ELMO1: variants seen among roughly 807,000 people sequenced by gnomAD.
ELMO1 encodes the protein engulfment and cell motility protein 1.
A neutral mutation model predicts 98.9 loss-of-function variants in ELMO1; 26 were observed. That is an observed-to-expected ratio of 0.26 (90% CI 0.19 to 0.36). The LOEUF (loss-of-function observed/expected upper bound fraction) is 0.36, where lower values mean the gene tolerates loss of function less well. Ranked by LOEUF, ELMO1 falls within the 10% of genes least tolerant of loss-of-function variation. The pLI, the probability that ELMO1 is intolerant of heterozygous loss-of-function variation, is 1.00. For synonymous variants in ELMO1, 346 were observed against 346.0 expected (o/e 1.00, Z 0.00); for missense variants, 627 against 935.2 (o/e 0.67, Z 4.30).
intron 13 of ELMO1, among the ~76,000 whole-genome samples, chr7:37,135,675 G>A (rs919779394): frequency 6.6e-6 from 1 of 152,152 alleles, no homozygotes; most frequent in Admixed American, 6.5e-5. Flanking sequence ...TAGGAGAAGG[G>A]GGAGAACACC....
At position 37,241,327 on chromosome 7, in the gene ELMO1, T is replaced by C. The variant is rs1584860149; in HGVS notation, c.449+3029A>G. ...TCCTGATAATAAAACCATTCAGTTT[T>C]ATTATTATTAGCATTTGCATGGTAT... On this transcript the variant is annotated intron_variant, in intron 7 of 21. Coordinates refer to ENST00000310758, the MANE Select transcript of ELMO1 (RefSeq NM_014800.11). 2.0e-5 allele frequency among the ~76,000 whole-genome samples: 3 copies of C among 152,262 alleles called. No individual in the cohort carries two copies. In the South Asian group the frequency reaches 6.2e-4, roughly 32 times the overall value.
intron 13 of ELMO1, among the ~76,000 whole-genome samples, chr7:37,191,078 A>C (rs1791540833): frequency 6.6e-6 from 1 of 150,848 alleles, no homozygotes; most frequent in Non-Finnish European, 1.5e-5. Context: ...GGTCCCAGCT[A>C]CTCAGGAGGC....
rs1159244781 is a variant in ELMO1 at position 37,283,452 on chromosome 7, AC to A, written c.193-11571del. On this transcript the variant is annotated intron_variant, in intron 4 of 21. Transcript: ENST00000310758. The stretch of plus-strand genomic sequence containing the variant: ...CTGGGGACTAAAAGCTCAGGGTAGA[AC>A]CCAGTTCATGTCCACATCTCTAATA... 4.9e-4 allele frequency among the ~76,000 whole-genome samples: 74 copies of A among 152,280 alleles called. 1 individual carries two copies. Among genetic ancestry groups the A allele is most frequent in the South Asian group, 2.1e-4 (1 of 4,824 alleles).
At chr7:37,439,804 G>C (rs1805316478) in intron 1 of ELMO1, among the ~76,000 whole-genome samples, 1 of 152,178 alleles carries the variant, frequency 6.6e-6, no homozygotes, top group African/African-American at 2.4e-5. Context: ...GTCGCTTCCT[G>C]GCAGTGGAGT....
At chr7:37,206,605 T>G (rs767505636) in intron 13 of ELMO1, among the ~76,000 whole-genome samples, 1 of 152,232 alleles carries the variant, frequency 6.6e-6, no homozygotes, top group African/African-American at 2.4e-5. Flanking sequence ...ATTATACTTG[T>G]GTAACTACAG....
At chr7:37,039,207 T>C (rs927292097) in intron 15 of ELMO1, among the ~76,000 whole-genome samples, 16 of 152,204 alleles carry the variant, frequency 1.1e-4, no homozygotes, top group African/African-American at 3.6e-4. Flanking sequence ...GTCCTTTACA[T>C]TATATACTTA....
intron 14 of ELMO1, 59 bp from the exon 15 acceptor site, chr7:37,096,786 T>C (rs956222614): frequency 1.2e-5 from 17 of 1,447,840 alleles, no homozygotes; most frequent in Admixed American, 3.4e-5. Flanking sequence ...ACATCAAGAA[T>C]ATCACCTTCA....
At chr7:37,084,781 G>A (rs1246885524) in intron 15 of ELMO1, among the ~76,000 whole-genome samples, 1 of 149,726 alleles carries the variant, frequency 6.7e-6, no homozygotes, top group Non-Finnish European at 1.5e-5. Flanking sequence ...TTTTGAGATG[G>A]AATCTCACTC....
chr7:37,312,677 T>C (rs1173020084), intron 4 of ELMO1, among the ~76,000 whole-genome samples: 1 of 152,188 alleles, frequency 6.6e-6, no homozygotes, highest in Admixed American at 6.5e-5. Context: ...ACCCCATCTT[T>C]AGTAATCTTC....
intron 5 of ELMO1, among the ~76,000 whole-genome samples, chr7:37,266,028 C>T (rs1796225845): frequency 6.6e-6 from 1 of 152,200 alleles, no homozygotes; most frequent in Non-Finnish European, 1.5e-5. Flanking sequence ...CCCCCTGCAT[C>T]TCCTGAACCT....
intron 20 of ELMO1, among the ~76,000 whole-genome samples, chr7:36,864,949 C>T (rs1162602352): frequency 6.6e-6 from 1 of 152,178 alleles, no homozygotes; most frequent in Non-Finnish European, 1.5e-5. Context: ...GAACATCCTT[C>T]CATGCCCTGA....
At chr7:37,123,977 T>C (rs1786297676) in intron 14 of ELMO1, among the ~76,000 whole-genome samples, 1 of 152,104 alleles carries the variant, frequency 6.6e-6, no homozygotes, top group Non-Finnish European at 1.5e-5. Context: ...GCAAGGCTGG[T>C]TCAACATATG....
At chr7:37,330,253 C>T (rs1800032967) in intron 2 of ELMO1, among the ~76,000 whole-genome samples, 1 of 152,164 alleles carries the variant, frequency 6.6e-6, no homozygotes, top group Non-Finnish European at 1.5e-5. Flanking sequence ...ATTATAGCTT[C>T]TTAATTTATC....
intron 1 of ELMO1, among the ~76,000 whole-genome samples, chr7:37,431,555 G>C (rs4723651): frequency 0.33 from 50,467 of 151,840 alleles, 9,412 homozygotes; most frequent in Non-Finnish European, 0.44. Context: ...CCTCAGACTT[G>C]AGAGTCAGTT....
chr7:36,983,784 C>G (rs1234029484), intron 16 of ELMO1, among the ~76,000 whole-genome samples: 3 of 152,136 alleles, frequency 2.0e-5, no homozygotes, highest in African/African-American at 7.2e-5. Flanking sequence ...GGGTATGATA[C>G]GTTCTTGGCT....
chr7:36,986,062 A>G, intron 16 of ELMO1: 1 of 998,914 alleles, frequency 1.0e-6, no homozygotes. Context: ...CTTGTTCATG[A>G]AACAGGTTTC....
At position 36,870,260 on chromosome 7, in the gene ELMO1, G is replaced by T; in HGVS notation, c.1905+133C>A. On this transcript the variant is annotated intron_variant, in intron 20 of 21. Transcript: ENST00000310758. This position sits in a 1 kb window ranked among gnomAD's most constrained non-coding sequence, Gnocchi z 4.4. Reference sequence around the variant, plus strand: ...TAAAAGGAATCGGGACAGGAAACAGGAGAGCTGAATAAGAGATGTGTGTCT... The same window carrying T: ...TAAAAGGAATCGGGACAGGAAACAGTAGAGCTGAATAAGAGATGTGTGTCT... 1 of 690,864 alleles carries T rather than the reference G, an allele frequency of 1.4e-6. No homozygotes were observed. The allele number at this position is 690,864 out of a possible 1,614,324, so 42.8% of individuals were successfully genotyped here.
chr7:37,395,321 C>G (rs1483661753), intron 1 of ELMO1, among the ~76,000 whole-genome samples: 2 of 140,530 alleles, frequency 1.4e-5, no homozygotes, highest in Non-Finnish European at 3.0e-5. Context: ...GAGCCGAGAA[C>G]ACACCATTGC....
intron 7 of ELMO1, among the ~76,000 whole-genome samples, 195 bp from the exon 8 acceptor site, chr7:37,233,389 C>T (rs966025550): frequency 7.9e-5 from 12 of 151,896 alleles, no homozygotes; most frequent in African/African-American, 2.7e-4. Context: ...TTGGGCAGGA[C>T]GGCCTTGATG....
Sources: allele counts gnomAD v4.1 joint callset (sites outside exome capture counted in the v4.1 genomes callset), GRCh38; gene constraint gnomAD v4.1.1; non-coding constraint Gnocchi (gnomAD v3.1); transcripts MANE v1.5; gene names NCBI Gene and HGNC (gene_info 2026-07-23, HGNC 2026-07-21).